Variants in NARF observed in about 807,000 individuals in gnomAD.
NARF encodes iron-only hydrogenase-like protein 2.
NARF carries 41 observed loss-of-function variants against 48.0 expected under a neutral mutation model. The observed-to-expected ratio is 0.85, with a 90% CI of 0.66 to 1.11. The LOEUF (loss-of-function observed/expected upper bound fraction) is 1.11. Ranked by LOEUF, NARF falls within the 50% of genes least tolerant of loss-of-function variation. The pLI is 0.00. For missense variants in NARF, 613 were observed against 590.2 expected (o/e 1.04, Z -0.40); for synonymous variants, 215 against 225.5 (o/e 0.95, Z 0.42).
intron 6 of NARF, 69 bp downstream of exon 6, chr17:82,478,987 G>A (rs2043899322): frequency 1.2e-5 from 17 of 1,462,120 alleles, no homozygotes; most frequent in African/African-American, 1.4e-5. Context: ...GCCCAGGAAG[G>A]GGAGGTTCCC....
Position 82,481,223 on chromosome 17 carries a change from G to T in NARF, c.769+12G>T. ...CGTGTTAACATCAGGTGAGAGGTGG[G>T]CGGGGGTGCACCTGGGCGCTGGGGT... On this transcript the variant is annotated intron_variant, in intron 7 of 10. Transcript: ENST00000309794. 6.2e-7 allele frequency: 1 copy of T among 1,613,420 alleles called. No individual in the cohort carries two copies.
rs866089660 is a variant in NARF at position 82,489,059 on chromosome 17, C to G, written c.*902C>G. The G allele has an allele frequency of 6.5e-5, 10 of 153,208 alleles. No homozygotes were observed. The highest frequency in any genetic ancestry group is 1.7e-4 in the African/African-American group (7 of 41,460). 9.5% of individuals were successfully genotyped at this position (153,208 alleles called of 1,614,324 possible). On this transcript the variant is annotated 3_prime_UTR_variant, in exon 11 of 11. Transcript: ENST00000309794. ...CAGCCTTTTAGAATCAGGAGACTTA[C>G]GTACAAATCTGGATTTTCAGCTTTT...
At chr17:82,467,808 T>C (rs1459864079) in intron 3 of NARF, among the ~76,000 whole-genome samples, 2 of 152,212 alleles carry the variant, frequency 1.3e-5, no homozygotes, top group Non-Finnish European at 2.9e-5. Context: ...CCAGCCGGGC[T>C]GATGACTTTT....
chr17:82,482,797 C>G (rs910140383), intron 7 of NARF: 10 of 151,238 alleles, frequency 6.6e-5, no homozygotes, highest in African/African-American at 2.4e-4. Flanking sequence ...GACCTCGTCT[C>G]TTTTTTTTTA....
At position 82,464,442 on chromosome 17, in the gene NARF, G is replaced by A. The variant is rs1322182083; in HGVS notation, c.252+12G>A. On this transcript the variant is annotated intron_variant, in intron 3 of 10. Coordinates refer to ENST00000309794, the MANE Select transcript of NARF (RefSeq NM_012336.4). ...TGAACCTTAACAAGGTAAGGCATTC[G>A]GGGCATTTGCTGATGCTGGGGAGCT... 32 of 1,604,320 alleles carry A rather than the reference G, an allele frequency of 2.0e-5. No individual in the cohort carries two copies. The highest frequency in any genetic ancestry group is 2.6e-5 in the Non-Finnish European group (31 of 1,173,646).
chr17:82,471,348 G>T (rs527605701), intron 4 of NARF, among the ~76,000 whole-genome samples: 13 of 151,186 alleles, frequency 8.6e-5, no homozygotes, highest in Admixed American at 6.6e-5. Context: ...CCAGCTACTT[G>T]GGAGGCCGAA....
At chr17:82,458,896 G>T in intron 1 of NARF, 66 bp downstream of exon 1, 2 of 1,299,262 alleles carry the variant, frequency 1.5e-6, no homozygotes, top group Non-Finnish European at 9.8e-7. Context: ...GGCGGCCGAG[G>T]TTGGCGGTCC....
intron 4 of NARF, among the ~76,000 whole-genome samples, chr17:82,471,146 A>G (rs1041815941): frequency 1.3e-5 from 2 of 150,790 alleles, no homozygotes; most frequent in African/African-American, 4.9e-5. Context: ...CCTGGGTGAC[A>G]GAGCATGACT....
chr17:82,487,769 A>G, intron 10 of NARF, 147 bp from the exon 11 acceptor site: 1 of 735,868 alleles, frequency 1.4e-6, no homozygotes, highest in East Asian at 2.7e-5. Flanking sequence ...GCAACATAGC[A>G]ACACCCGCCC....
chr17:82,487,776 G>T, intron 10 of NARF, 140 bp from the exon 11 acceptor site: 1 of 328,876 alleles, frequency 3.0e-6, no homozygotes, highest in Non-Finnish European at 6.0e-6. Flanking sequence ...AGCAACACCC[G>T]CCCCTCCCGC....
chr17:82,485,613 A>G lies in NARF; in HGVS notation c.1088A>G (p.Lys363Arg), dbSNP rs764850737. The G allele has an allele frequency of 1.9e-6, 3 of 1,614,216 alleles. No individual in the cohort carries two copies. The East Asian group carries it at 6.7e-5, about 36-fold the overall frequency. The change falls in exon 10 of 11, where the codon AAG (lysine) becomes AGG (arginine). Residue 363 changes from lysine to arginine, a missense_variant. Coordinates refer to ENST00000309794, the MANE Select transcript of NARF (RefSeq NM_012336.4). ...ATGATCCTGAAGCTTAAGAAGGGCA[A>G]GTTCCCATTCCACTTTGTGGAGGTC... The part of the protein sequence containing the change: ...QNMILKLKKG[K>R]FPFHFVEVLA...
intron 6 of NARF, 156 bp downstream of exon 6, chr17:82,479,074 T>C: frequency 1.7e-6 from 1 of 602,252 alleles, no homozygotes; most frequent in South Asian, 2.2e-5. Flanking sequence ...AGCAGTGCTG[T>C]TTCTCACCAA....
Position 82,485,487 on chromosome 17 carries a change from C to G in NARF, c.972-10C>G, listed in dbSNP as rs1219479464. The G allele has an allele frequency of 1.2e-6, 2 of 1,613,268 alleles. No homozygotes were observed. Among genetic ancestry groups the G allele is most frequent in the Admixed American group, 1.7e-5 (1 of 59,886 alleles). Reference sequence around the variant, plus strand: ...TTGATGGATCAAAATTCTCTGTGTTCATTTTGTAGAAACAAAGACTTCCAA... The same window carrying G: ...TTGATGGATCAAAATTCTCTGTGTTGATTTTGTAGAAACAAAGACTTCCAA... On this transcript the variant is annotated splice_polypyrimidine_tract_variant and intron_variant, in intron 9 of 10. Transcript: ENST00000309794.
intron 2 of NARF, among the ~76,000 whole-genome samples, chr17:82,461,303 G>A (rs1303780458): frequency 6.6e-6 from 1 of 152,078 alleles, no homozygotes; most frequent in African/African-American, 2.4e-5. Context: ...CATAACCTGA[G>A]CCTGGCTCTC....
intron 2 of NARF, among the ~76,000 whole-genome samples, chr17:82,461,717 G>A (rs1268829724): frequency 6.6e-6 from 1 of 152,252 alleles, no homozygotes; most frequent in Non-Finnish European, 1.5e-5. Context: ...GGTGTTGGGA[G>A]AGGTTAAGGT....
At chr17:82,475,056 T>C (rs2043803216) in intron 5 of NARF, among the ~76,000 whole-genome samples, 1 of 152,190 alleles carries the variant, frequency 6.6e-6, no homozygotes, top group African/African-American at 2.4e-5. Flanking sequence ...TTTCCACACC[T>C]GATGGTTTCT....
At chr17:82,458,307 A>G (rs2143798510), upstream of NARF, 1 of 153,384 alleles carries the variant, frequency 6.5e-6, no homozygotes, top group African/African-American at 2.4e-5. Context: ...GCTGGCTGAC[A>G]GAGCCCGGCC....
At chr17:82,469,077 G>A (rs935570865) in intron 4 of NARF, among the ~76,000 whole-genome samples, 181 bp downstream of exon 4, 2 of 152,206 alleles carry the variant, frequency 1.3e-5, no homozygotes, top group Admixed American at 6.5e-5. Context: ...GATGGTAGAC[G>A]AGTGTCACTT....
chr17:82,487,335 T>G (rs551787952), intron 10 of NARF, among the ~76,000 whole-genome samples: 1 of 151,880 alleles, frequency 6.6e-6, no homozygotes, highest in African/African-American at 2.4e-5. Context: ...AATACAAAAA[T>G]TAGCCGGGCG....
Sources: gnomAD v4.1 joint callset for allele counts (sites outside exome capture counted in the v4.1 genomes callset) on GRCh38, gnomAD v4.1.1 for gene constraint, MANE v1.5 for transcripts, NCBI Gene and HGNC (gene_info 2026-07-23, HGNC 2026-07-21) for gene names.